COL5A2: variants seen among roughly 807,000 people sequenced by gnomAD.
COL5A2 encodes collagen type V alpha 2 chain.
COL5A2 carries 23 observed loss-of-function variants against 208.2 expected under a neutral mutation model. The ratio of observed to expected loss-of-function variants is 0.11; its 90% confidence interval spans 0.08 to 0.16. The LOEUF is 0.16. COL5A2 is among the 10% of genes least tolerant of loss of function. The pLI is 1.00. For missense variants in COL5A2, 1,590 were observed against 1,956.4 expected, an observed-to-expected ratio of 0.81 and a Z score of 3.53; for synonymous variants, 625 against 628.5, an observed-to-expected ratio of 0.99 and a Z score of 0.08.
chr2:189,437,024 A>T, the COL5A2 span, among the ~76,000 whole-genome samples: 2 of 151,446 alleles, frequency 1.3e-5, no homozygotes, highest in Non-Finnish European at 1.5e-5. Flanking sequence ...AAGTTGATTT[A>T]AAAAAAAAGA....
the COL5A2 span, among the ~76,000 whole-genome samples, chr2:189,243,904 C>T: frequency 3.4e-4 from 52 of 152,246 alleles, no homozygotes; most frequent in East Asian, 4.4e-3. Flanking sequence ...GGGTTACAGG[C>T]CCTACACAAG....
the COL5A2 span, among the ~76,000 whole-genome samples, chr2:189,423,198 T>A: frequency 6.6e-6 from 1 of 151,896 alleles, no homozygotes; most frequent in Non-Finnish European, 1.5e-5. Flanking sequence ...GAAAGAAATC[T>A]ACACTGAAAA....
At chr2:189,219,833 A>G (rs1689324447) in intron 1 of COL5A2, among the ~76,000 whole-genome samples, 1 of 151,620 alleles carries the variant, frequency 6.6e-6, no homozygotes. Flanking sequence ...CTATGGAACC[A>G]GGGACAGCTT....
At chr2:189,103,370 C>G (rs1222212693) in intron 3 of COL5A2, among the ~76,000 whole-genome samples, 1 of 152,018 alleles carries the variant, frequency 6.6e-6, no homozygotes, top group African/African-American at 2.4e-5. Context: ...TAGCATCACT[C>G]TTACTTATCA....
the COL5A2 span, among the ~76,000 whole-genome samples, chr2:189,344,726 G>A: frequency 1.3e-4 from 20 of 152,086 alleles, no homozygotes; most frequent in East Asian, 2.1e-3. Context: ...CTATCCAGAC[G>A]CAGATGTCAA....
intron 1 of COL5A2, among the ~76,000 whole-genome samples, chr2:189,159,396 A>G (rs1010979982): frequency 1.3e-5 from 2 of 152,206 alleles, no homozygotes; most frequent in Non-Finnish European, 2.9e-5. Flanking sequence ...GAGACCCAGA[A>G]AGCACTCAAT....
chr2:189,391,048 T>C, the COL5A2 span, among the ~76,000 whole-genome samples: 6 of 152,204 alleles, frequency 3.9e-5, no homozygotes, highest in Admixed American at 3.9e-4. Flanking sequence ...AAAGTTGGCT[T>C]AAAAGGTAAG....
chr2:189,045,119 C>T (rs1245855782), intron 47 of COL5A2, 60 bp downstream of exon 47: 2 of 1,161,516 alleles, frequency 1.7e-6, no homozygotes, highest in Admixed American at 4.2e-5. Flanking sequence ...AATTATACTT[C>T]TTTGGGAGTA....
At chr2:189,233,595 A>G in the COL5A2 span, among the ~76,000 whole-genome samples, 7 of 151,594 alleles carry the variant, frequency 4.6e-5, no homozygotes, top group Non-Finnish European at 1.0e-4. Context: ...TCAACTCAAT[A>G]TTTTCTTTAA....
chr2:189,314,954 A>G, the COL5A2 span, among the ~76,000 whole-genome samples: 1 of 152,150 alleles, frequency 6.6e-6, no homozygotes. Context: ...ATACCAACCA[A>G]AAAAAGCCCA....
At chr2:189,320,385 T>C in the COL5A2 span, among the ~76,000 whole-genome samples, 6 of 152,168 alleles carry the variant, frequency 3.9e-5, no homozygotes, top group Admixed American at 3.9e-4. Context: ...AGGGGGAAGT[T>C]TGAACCCATT....
chr2:189,413,504 G>T, the COL5A2 span, among the ~76,000 whole-genome samples: 1 of 152,234 alleles, frequency 6.6e-6, no homozygotes, highest in South Asian at 2.1e-4. Context: ...GTCCACTGAG[G>T]TCTTCTGTTC....
chr2:189,142,903 TGACTA>T (rs1687961070), intron 1 of COL5A2, among the ~76,000 whole-genome samples: 1 of 152,180 alleles, frequency 6.6e-6, no homozygotes, highest in Admixed American at 6.6e-5. Context: ...TTGACCTACT[TGACTA>T]TTCTCTGGGC....
chr2:189,432,809 C>T, the COL5A2 span, among the ~76,000 whole-genome samples: 1 of 152,184 alleles, frequency 6.6e-6, no homozygotes, highest in Non-Finnish European at 1.5e-5. Flanking sequence ...AGGAATTGAA[C>T]TCAGCTCTGC....
At chr2:189,207,180 T>C (rs971834038) in intron 1 of COL5A2, among the ~76,000 whole-genome samples, 1 of 152,206 alleles carries the variant, frequency 6.6e-6, no homozygotes, top group Admixed American at 6.5e-5. Context: ...TAAATTAGGA[T>C]ATGTGTATGA....
chr2:189,277,111 A>C, the COL5A2 span, among the ~76,000 whole-genome samples: 1 of 152,132 alleles, frequency 6.6e-6, no homozygotes, highest in Non-Finnish European at 1.5e-5. Context: ...GAAGATAATA[A>C]AAACTATATG....
intron 13 of COL5A2, among the ~76,000 whole-genome samples, chr2:189,080,691 T>A (rs1415233464): frequency 2.6e-5 from 4 of 152,068 alleles, no homozygotes; most frequent in African/African-American, 9.7e-5. Flanking sequence ...TTCATCCGTA[T>A]CCCCCATTAG....
chr2:189,142,067 C>A (rs1217176661), intron 1 of COL5A2, among the ~76,000 whole-genome samples: 1 of 151,952 alleles, frequency 6.6e-6, no homozygotes, highest in African/African-American at 2.4e-5. Context: ...TAAATGTTAA[C>A]ATTGTATAGA....
At chr2:189,335,461 T>C in the COL5A2 span, among the ~76,000 whole-genome samples, 6 of 152,190 alleles carry the variant, frequency 3.9e-5, no homozygotes, top group Admixed American at 1.3e-4. Context: ...TTCTTAGAAA[T>C]ATACTTGAGA....
Sources: allele counts gnomAD v4.1 joint callset (sites outside exome capture counted in the v4.1 genomes callset), GRCh38; gene constraint gnomAD v4.1.1; transcripts MANE v1.5; gene names NCBI Gene and HGNC (gene_info 2026-07-23, HGNC 2026-07-21).